ROR1: variants seen among roughly 807,000 people sequenced by gnomAD.
The protein encoded by ROR1 is inactive tyrosine-protein kinase transmembrane receptor ROR1.
ROR1 carries 19 observed loss-of-function variants against 78.8 expected under a neutral mutation model. The observed-to-expected ratio is 0.24, with a 90% CI of 0.17 to 0.35. The LOEUF is 0.35. ROR1 is among the 10% of genes least tolerant of loss of function. ROR1 has a pLI of 1.00. For synonymous variants in ROR1, 386 were observed against 433.6 expected, an observed-to-expected ratio of 0.89 and a Z score of 1.36; for missense variants, 917 against 1,177.8, an observed-to-expected ratio of 0.78 and a Z score of 3.24.
At chr1:63,810,061 G>A (rs1644851113) in intron 1 of ROR1, among the ~76,000 whole-genome samples, 1 of 152,202 alleles carries the variant, frequency 6.6e-6, no homozygotes, top group Non-Finnish European at 1.5e-5. Flanking sequence ...TTAAAGGCCA[G>A]GTGTTTGTGT....
intron 1 of ROR1, among the ~76,000 whole-genome samples, chr1:63,816,355 C>T (rs1316082646): frequency 6.6e-6 from 1 of 152,138 alleles, no homozygotes; most frequent in Non-Finnish European, 1.5e-5. Flanking sequence ...AGGAGCAGGT[C>T]TTTCCCATGC....
At chr1:64,119,384 T>C (rs2100685144) in intron 4 of ROR1, among the ~76,000 whole-genome samples, 1 of 152,258 alleles carries the variant, frequency 6.6e-6, no homozygotes, top group East Asian at 1.9e-4. Flanking sequence ...CTCATGCCTG[T>C]AATCCCAGCA....
At chr1:64,095,252 G>T (rs945891511) in intron 4 of ROR1, 1 of 152,104 alleles carries the variant, frequency 6.6e-6, no homozygotes. Flanking sequence ...ATAAGCCAGG[G>T]ATACTAAGTT....
intron 8 of ROR1, among the ~76,000 whole-genome samples, chr1:64,161,243 T>C (rs1169266752): frequency 6.6e-6 from 1 of 152,174 alleles, no homozygotes; most frequent in Non-Finnish European, 1.5e-5. Flanking sequence ...CTAAGTAACT[T>C]CCCCAAGGTC....
At chr1:63,942,533 A>C (rs1361601202) in intron 1 of ROR1, among the ~76,000 whole-genome samples, 1 of 151,696 alleles carries the variant, frequency 6.6e-6, no homozygotes, top group Non-Finnish European at 1.5e-5. Flanking sequence ...TTGTGTCCTT[A>C]TTGCTCTGTA....
chr1:64,115,263 TG>T (rs1326115548), intron 4 of ROR1, among the ~76,000 whole-genome samples: 1 of 152,194 alleles, frequency 6.6e-6, no homozygotes, highest in Non-Finnish European at 1.5e-5. Flanking sequence ...TTGCCCAGGA[TG>T]GAGTGCAGTG....
chr1:63,997,487 A>G (rs544702326), intron 1 of ROR1, among the ~76,000 whole-genome samples: 1 of 152,158 alleles, frequency 6.6e-6, no homozygotes, highest in African/African-American at 2.4e-5. Context: ...TGCTGCCCAC[A>G]CTGAAATTTT....
At chr1:63,846,032 A>G (rs1370871370) in intron 1 of ROR1, among the ~76,000 whole-genome samples, 4 of 152,088 alleles carry the variant, frequency 2.6e-5, no homozygotes, top group Non-Finnish European at 5.9e-5. Context: ...TTTCAGCTCT[A>G]CAATATTCCT....
chr1:64,022,303 C>T (rs1050838494), intron 2 of ROR1, among the ~76,000 whole-genome samples: 1 of 152,212 alleles, frequency 6.6e-6, no homozygotes, highest in Admixed American at 6.5e-5. Flanking sequence ...GATCTGTTTT[C>T]CAATTAGATA....
In ROR1 at chr1:64,053,550, C is replaced by T. The variant is rs936638584; in HGVS notation, c.482+2834C>T. Among the ~76,000 whole-genome samples the T allele has an allele frequency of 4.6e-5, 7 of 152,158 alleles. No homozygotes were observed. The East Asian group carries it at 9.6e-4, about 21-fold the overall frequency. On this transcript the variant is annotated intron_variant, in intron 4 of 8. Transcript: ENST00000371079. ...ATAGGACCTGGGGCATGAGTACAAG[C>T]AGAGGTTCACATACCATATGTCTAA...
At chr1:63,848,250 CT>C (rs879411245) in intron 1 of ROR1, among the ~76,000 whole-genome samples, 66 of 152,216 alleles carry the variant, frequency 4.3e-4, no homozygotes, top group Middle Eastern at 3.4e-3. Context: ...TAAAAAAGAA[CT>C]GATGGAAGCA....
intron 4 of ROR1, among the ~76,000 whole-genome samples, chr1:64,119,244 T>TC (rs1461461671): frequency 6.6e-6 from 1 of 152,010 alleles, no homozygotes; most frequent in African/African-American, 2.4e-5. Flanking sequence ...TTCAGCCCAC[T>TC]CCCCCCAGTT....
intron 1 of ROR1, among the ~76,000 whole-genome samples, chr1:63,955,908 G>A (rs984498603): frequency 1.3e-5 from 2 of 152,148 alleles, no homozygotes; most frequent in African/African-American, 2.4e-5. Flanking sequence ...CTAGGCCTTT[G>A]TGCGTGACCC....
intron 1 of ROR1, among the ~76,000 whole-genome samples, chr1:63,956,427 A>G (rs1160437227): frequency 6.6e-6 from 1 of 152,188 alleles, no homozygotes; most frequent in Admixed American, 6.5e-5. Flanking sequence ...AAGCCCTGGA[A>G]GCTAACTCGT....
At chr1:63,917,349 C>A (rs1393001684) in intron 1 of ROR1, among the ~76,000 whole-genome samples, 2 of 151,886 alleles carry the variant, frequency 1.3e-5, no homozygotes, top group South Asian at 2.1e-4. Flanking sequence ...TGCAAATAAG[C>A]AAACAGGAAG....
At chr1:64,023,738 C>T (rs1646584817) in intron 2 of ROR1, among the ~76,000 whole-genome samples, 2 of 152,022 alleles carry the variant, frequency 1.3e-5, no homozygotes, top group Admixed American at 1.3e-4. Flanking sequence ...AACATTTGTC[C>T]CTTAGAAACA....
chr1:64,066,615 A>G (rs1307652139), intron 4 of ROR1: 1 of 152,188 alleles, frequency 6.6e-6, no homozygotes, highest in Non-Finnish European at 1.5e-5. Flanking sequence ...CGCCCAGCCT[A>G]AACTCACTTT....
intron 2 of ROR1, among the ~76,000 whole-genome samples, chr1:64,045,554 A>G (rs1646777166): frequency 6.6e-6 from 1 of 152,130 alleles, no homozygotes; most frequent in Admixed American, 6.5e-5. Context: ...CTTCTATCCT[A>G]CAGCATGGAC....
chr1:63,865,055 T>C (rs554066429), intron 1 of ROR1, among the ~76,000 whole-genome samples: 1 of 152,238 alleles, frequency 6.6e-6, no homozygotes, highest in East Asian at 1.9e-4. Context: ...AAAAACGAAG[T>C]GTTAAAACTA....
Sources: allele counts gnomAD v4.1 joint callset (sites outside exome capture counted in the v4.1 genomes callset), GRCh38; gene constraint gnomAD v4.1.1; transcripts MANE v1.5; gene names NCBI Gene and HGNC (gene_info 2026-07-23, HGNC 2026-07-21).